Variants in PEBP4 observed in about 807,000 individuals in gnomAD.
The protein encoded by PEBP4 is phosphatidylethanolamine-binding protein 4.
Under a neutral mutation model 23.9 loss-of-function variants are expected in PEBP4, and 22 were observed. The ratio of observed to expected loss-of-function variants is 0.92; its 90% CI spans 0.66 to 1.31. The LOEUF is 1.31. Among genes scored for constraint, PEBP4 ranks in the 40% most tolerant of loss-of-function variants. The pLI, the probability that PEBP4 is intolerant of heterozygous loss-of-function variation, is 0.00. For synonymous variants in PEBP4, 112 were observed against 99.3 expected (o/e 1.13, Z -0.76); for missense variants, 324 against 281.7 (o/e 1.15, Z -1.07).
intron 3 of PEBP4, among the ~76,000 whole-genome samples, chr8:22,894,583 AAAAAT>A (rs1238915166): frequency 1.3e-5 from 2 of 152,134 alleles, no homozygotes; most frequent in Admixed American, 6.5e-5. Flanking sequence ...CCCTGTCTCT[AAAAAT>A]AAAATAAAAT....
chr8:22,903,980 G>C (rs1172829846), intron 3 of PEBP4, among the ~76,000 whole-genome samples: 1 of 152,202 alleles, frequency 6.6e-6, no homozygotes, highest in East Asian at 1.9e-4. Context: ...CCTGCCCCTG[G>C]ACTCAGTTGA....
chr8:22,743,542 G>A (rs999623076), intron 4 of PEBP4, among the ~76,000 whole-genome samples: 1 of 152,194 alleles, frequency 6.6e-6, no homozygotes, highest in African/African-American at 2.4e-5. Flanking sequence ...TGTTTGGAGT[G>A]GGGGCTAAAT....
At chr8:22,872,361 A>AC (rs1808023002) in intron 3 of PEBP4, among the ~76,000 whole-genome samples, 1 of 152,154 alleles carries the variant, frequency 6.6e-6, no homozygotes, top group South Asian at 2.1e-4. Flanking sequence ...GCCAAGCCAC[A>AC]CCTCCTGGCC....
At chr8:22,885,933 G>C (rs573145293) in intron 3 of PEBP4, 23 of 152,306 alleles carry the variant, frequency 1.5e-4, no homozygotes, top group East Asian at 7.7e-4. Context: ...ACCGCCTGCA[G>C]GGTTGACTTA....
At chr8:22,742,316 C>T (rs752609353) in intron 4 of PEBP4, among the ~76,000 whole-genome samples, 1 of 152,240 alleles carries the variant, frequency 6.6e-6, no homozygotes, top group Non-Finnish European at 1.5e-5. Context: ...TCTGGCTACG[C>T]TCCATTCAGC....
intron 3 of PEBP4, among the ~76,000 whole-genome samples, chr8:22,881,466 C>T (rs1448648289): frequency 6.6e-6 from 1 of 152,198 alleles, no homozygotes; most frequent in Non-Finnish European, 1.5e-5. Flanking sequence ...CTCTGCCAGG[C>T]TGAAAACTTC....
intron 3 of PEBP4, among the ~76,000 whole-genome samples, chr8:22,852,104 G>A (rs978316930): frequency 6.6e-6 from 1 of 152,130 alleles, no homozygotes; most frequent in Non-Finnish European, 1.5e-5. Flanking sequence ...AAGTGCTGGT[G>A]GGGAGGTGGC....
intron 2 of PEBP4, among the ~76,000 whole-genome samples, 164 bp downstream of exon 2, chr8:22,927,420 G>C (rs1471668208): frequency 6.6e-6 from 1 of 152,140 alleles, no homozygotes; most frequent in Non-Finnish European, 1.5e-5. Flanking sequence ...CCCTTTCTCA[G>C]TGCCATCCTC....
chr8:22,939,591 G>A (rs550798741), intron 1 of PEBP4, among the ~76,000 whole-genome samples: 1 of 152,010 alleles, frequency 6.6e-6, no homozygotes, highest in South Asian at 2.1e-4. Flanking sequence ...GGAATGCTCT[G>A]TTACAGGGTA....
rs142367702 is a variant in PEBP4, at chr8:22,801,386, T to A, written c.357+16251A>T. ...CAGGTCCACCTGGTGTCAGTATCCC[T>A]GTACCTACCACTGCACCACACTGCC... is the stretch of plus-strand genomic sequence containing the variant. On this transcript the variant is annotated intron_variant, in intron 4 of 6. Coordinates refer to ENST00000256404, the MANE Select transcript of PEBP4 (RefSeq NM_144962.3). Among the ~76,000 whole-genome samples the A allele has an allele frequency of 1.7e-3, 261 of 152,286 alleles. 2 individuals are homozygous for A. Among genetic ancestry groups the A allele is most frequent in the African/African-American group, 6.0e-3 (251 of 41,556 alleles).
intron 4 of PEBP4, among the ~76,000 whole-genome samples, chr8:22,795,598 G>GAATC (rs1403310624): frequency 6.6e-6 from 1 of 152,112 alleles, no homozygotes; most frequent in Non-Finnish European, 1.5e-5. Flanking sequence ...GTGCACTTTA[G>GAATC]AATCACCTTA....
Position 22,783,008 on chromosome 8 carries a change from G to T in PEBP4, c.357+34629C>A, listed in dbSNP as rs373282557. On this transcript the variant is annotated intron_variant, in intron 4 of 6. Coordinates refer to ENST00000256404, the MANE Select transcript of PEBP4 (RefSeq NM_144962.3). ...CGGGAGGTTCCAGCTGCCAGCAACTGCAGGTTCCATCTCAGCCAGAGGGTA... is the reference window on the plus strand; with the variant it reads ...CGGGAGGTTCCAGCTGCCAGCAACTTCAGGTTCCATCTCAGCCAGAGGGTA... Among the ~76,000 whole-genome samples, 13 of 152,342 alleles carry T rather than the reference G, an allele frequency of 8.5e-5. 1 individual carries two copies. The East Asian group carries it at 1.7e-3, about 20-fold the overall frequency.
At chr8:22,791,668 A>G (rs537203457) in intron 4 of PEBP4, among the ~76,000 whole-genome samples, 208 of 152,280 alleles carry the variant, frequency 1.4e-3, no homozygotes, top group African/African-American at 5.0e-3. Context: ...GTGTAGATAT[A>G]TTCATCACAT....
chr8:22,918,112 T>C (rs777949215), intron 3 of PEBP4, among the ~76,000 whole-genome samples: 2 of 152,166 alleles, frequency 1.3e-5, no homozygotes, highest in African/African-American at 2.4e-5. Flanking sequence ...AATACTTAAC[T>C]TGGAGACTTA....
chr8:22,813,141 G>A (rs1321463483), intron 4 of PEBP4, among the ~76,000 whole-genome samples: 8 of 152,060 alleles, frequency 5.3e-5, no homozygotes, highest in African/African-American at 1.9e-4. Flanking sequence ...CTCTAATTAT[G>A]GAAAAATTTA....
At chr8:22,845,369 CAAAA>C (rs34601804) in intron 3 of PEBP4, among the ~76,000 whole-genome samples, 1 of 133,014 alleles carries the variant, frequency 7.5e-6, no homozygotes, top group Non-Finnish European at 1.6e-5. Context: ...CGCATCTCTA[CAAAA>C]AAAAAAAAAA....
intron 3 of PEBP4, among the ~76,000 whole-genome samples, chr8:22,888,527 C>T (rs573580708): frequency 9.9e-4 from 151 of 152,246 alleles, no homozygotes; most frequent in African/African-American, 3.4e-3. Context: ...GTGAGGTGGC[C>T]GTGGCTTCTG....
At chr8:22,905,304 TC>T (rs1808788382) in intron 3 of PEBP4, among the ~76,000 whole-genome samples, 2 of 152,068 alleles carry the variant, frequency 1.3e-5, no homozygotes, top group Non-Finnish European at 2.9e-5. Context: ...AATAGGCTAT[TC>T]ATCTTTTTCT....
At chr8:22,830,310 G>A (rs1807060305) in intron 3 of PEBP4, among the ~76,000 whole-genome samples, 1 of 151,980 alleles carries the variant, frequency 6.6e-6, no homozygotes, top group Non-Finnish European at 1.5e-5. Context: ...TTGTGTGTGT[G>A]TGTGTGTGTA....
Sources: allele counts gnomAD v4.1 joint callset (sites outside exome capture counted in the v4.1 genomes callset), GRCh38; gene constraint gnomAD v4.1.1; transcripts MANE v1.5; gene names NCBI Gene and HGNC (gene_info 2026-07-23, HGNC 2026-07-21).